Variants in SPATA31H1 observed in about 807,000 individuals in gnomAD.
SPATA31H1 encodes the protein SPATA31 subfamily H member 1.
the SPATA31H1 span, among the ~76,000 whole-genome samples, chr2:27,559,332 T>A: frequency 6.6e-6 from 1 of 152,332 alleles, no homozygotes; most frequent in East Asian, 1.9e-4. Flanking sequence ...GGATTCCAGC[T>A]GAAAGCCGGG....
chr2:27,571,229 G>A, the SPATA31H1 span: 1 of 398,462 alleles, frequency 2.5e-6, no homozygotes. Flanking sequence ...TAAAACTTGA[G>A]GAGGTAACCC....
chr2:27,571,633 T>C, the SPATA31H1 span: 4 of 398,372 alleles, frequency 1.0e-5, no homozygotes, highest in African/African-American at 8.2e-5. Context: ...GTTAAATCTA[T>C]GGAGACGCTT....
chr2:27,540,080 T>G, the SPATA31H1 span, among the ~76,000 whole-genome samples: 1 of 79,020 alleles, frequency 1.3e-5, no homozygotes, highest in Non-Finnish European at 2.4e-5. Flanking sequence ...CACTTCCCAG[T>G]AGGGGCGGCC....
At chr2:27,565,183 C>T in the SPATA31H1 span, among the ~76,000 whole-genome samples, 3 of 152,092 alleles carry the variant, frequency 2.0e-5, no homozygotes, top group Non-Finnish European at 2.9e-5. Context: ...ATGTTTGTTA[C>T]GGCATTTACA....
chr2:27,575,054 A>G, the SPATA31H1 span: 1 of 398,572 alleles, frequency 2.5e-6, no homozygotes. The surrounding 1 kb of genome is among the most constrained non-coding windows in gnomAD (Gnocchi z 4.1). Context: ...AAGATAGAAA[A>G]TTATCTATGT....
chr2:27,564,583 G>A, the SPATA31H1 span, among the ~76,000 whole-genome samples: 3 of 152,098 alleles, frequency 2.0e-5, no homozygotes, highest in Non-Finnish European at 2.9e-5. Context: ...TTGGGAGGCC[G>A]AGGTGGGCGG....
the SPATA31H1 span, among the ~76,000 whole-genome samples, chr2:27,538,891 C>A: frequency 1.3e-5 from 2 of 151,786 alleles, no homozygotes; most frequent in East Asian, 3.9e-4. Context: ...CCTGCTCCTA[C>A]CCCCATTTCC....
chr2:27,579,834 G>T, the SPATA31H1 span: 2 of 1,614,166 alleles, frequency 1.2e-6, no homozygotes, highest in Non-Finnish European at 1.7e-6. Flanking sequence ...GTTGCTAGAA[G>T]ATCTGCAGCT....
chr2:27,546,346 G>A, the SPATA31H1 span, among the ~76,000 whole-genome samples: 1 of 151,464 alleles, frequency 6.6e-6, no homozygotes, highest in Non-Finnish European at 1.5e-5. Context: ...TTAGCTCTAT[G>A]ATCCATCTCA....
chr2:27,560,187 A>G, the SPATA31H1 span, among the ~76,000 whole-genome samples: 1 of 152,270 alleles, frequency 6.6e-6, no homozygotes, highest in Non-Finnish European at 1.5e-5. Flanking sequence ...TAAATATAAT[A>G]TGCATAGGTG....
the SPATA31H1 span, chr2:27,570,237 CA>C: frequency 2.5e-6 from 1 of 398,586 alleles, no homozygotes; most frequent in Admixed American, 4.4e-5. Context: ...GCAGTCAAGC[CA>C]AGGGACACAT....
the SPATA31H1 span, chr2:27,578,109 G>T: frequency 6.2e-7 from 1 of 1,614,112 alleles, no homozygotes; most frequent in Non-Finnish European, 8.5e-7. Flanking sequence ...TGTTCAATCT[G>T]TGAAAGTGAC....
the SPATA31H1 span, among the ~76,000 whole-genome samples, chr2:27,543,259 C>T: frequency 1.3e-5 from 2 of 151,818 alleles, no homozygotes; most frequent in Non-Finnish European, 2.9e-5. Context: ...ATTTTGTCAA[C>T]CTCCTTAGGA....
chr2:27,582,660 G>A, the SPATA31H1 span: 4 of 848,108 alleles, frequency 4.7e-6, no homozygotes, highest in Admixed American at 1.1e-4. Context: ...CTCTCTACCG[G>A]GGGGGAGGCG....
At chr2:27,577,343 G>A in the SPATA31H1 span, 1 of 1,614,072 alleles carries the variant, frequency 6.2e-7, no homozygotes, top group Non-Finnish European at 8.5e-7. The surrounding 1 kb of genome is among the most constrained non-coding windows in gnomAD (Gnocchi z 4.5). Flanking sequence ...AGCCACTGCA[G>A]CAAACTGTGG....
the SPATA31H1 span, among the ~76,000 whole-genome samples, chr2:27,538,543 AGAAC>A: frequency 6.6e-6 from 1 of 152,118 alleles, no homozygotes; most frequent in Non-Finnish European, 1.5e-5. Context: ...GGTGAAAAAG[AGAAC>A]GTAGCCGGGC....
chr2:27,578,441 A>G, the SPATA31H1 span: 2 of 1,614,098 alleles, frequency 1.2e-6, no homozygotes, highest in South Asian at 2.2e-5. Context: ...TAGCCCTAGA[A>G]TCAGGAATTG....
the SPATA31H1 span, chr2:27,578,070 G>A: frequency 6.2e-7 from 1 of 1,614,140 alleles, no homozygotes; most frequent in Non-Finnish European, 8.5e-7. Flanking sequence ...TCAATCTGAA[G>A]AGGTAATCCT....
chr2:27,553,734 C>T, the SPATA31H1 span, among the ~76,000 whole-genome samples: 1 of 150,996 alleles, frequency 6.6e-6, no homozygotes, highest in African/African-American at 2.4e-5. Flanking sequence ...CCAGCCTGGC[C>T]AACATGGTGA....
Sources: gnomAD v4.1 joint callset for allele counts (sites outside exome capture counted in the v4.1 genomes callset) on GRCh38, gnomAD v4.1.1 for gene constraint, Gnocchi (gnomAD v3.1) non-coding constraint, MANE v1.5 for transcripts, NCBI Gene and HGNC (gene_info 2026-07-23, HGNC 2026-07-21) for gene names.